ANO1: variants seen among roughly 807,000 people sequenced by gnomAD.
ANO1 encodes the protein anoctamin-1.
Under a neutral mutation model 124.0 loss-of-function variants are expected in ANO1, and 59 were observed. That is an observed-to-expected ratio of 0.48 (90% confidence interval 0.39 to 0.59). The LOEUF is 0.59. Among genes scored for constraint, ANO1 ranks in the 20% least tolerant of loss-of-function variants. The pLI, the probability that ANO1 is intolerant of heterozygous loss-of-function variation, is 0.00. For missense variants in ANO1, 1,059 were observed against 1,328.0 expected (o/e 0.80, Z 3.15); for synonymous variants, 529 against 532.0 (o/e 0.99, Z 0.08).
intron 1 of ANO1, among the ~76,000 whole-genome samples, chr11:70,010,181 A>G (rs12422190): frequency 0.25 from 12,675 of 51,426 alleles, 2,085 homozygotes; most frequent in Non-Finnish European, 0.31. Flanking sequence ...GTGTGTGTGT[A>G]TATATATATA....
intron 11 of ANO1, among the ~76,000 whole-genome samples, chr11:70,136,714 C>T (rs556400324): frequency 4.1e-5 from 6 of 147,978 alleles, no homozygotes; most frequent in South Asian, 4.7e-4. Context: ...CTCCACCACA[C>T]GAGGGTGTGG....
In ANO1 at chr11:70,117,844, C is replaced by A. The variant is rs537042376; in HGVS notation, c.897+1345C>A. ...CAGGCCCCCATACATGTTTTTAAAT[C>A]TTTGGTACTTGATACAACTTGCCCG... On this transcript the variant is annotated intron_variant, in intron 8 of 25. Coordinates refer to ENST00000355303, the MANE Select transcript of ANO1 (RefSeq NM_018043.7). Among the ~76,000 whole-genome samples, 26 of 152,312 alleles carry A rather than the reference C, an allele frequency of 1.7e-4. No individual in the cohort carries two copies. The East Asian group carries it at 2.5e-3, about 15-fold the overall frequency.
intron 7 of ANO1, among the ~76,000 whole-genome samples, chr11:70,112,553 C>CT (rs11357130): frequency 0.55 from 74,818 of 136,724 alleles, 20,662 homozygotes; most frequent in East Asian, 0.66. Flanking sequence ...CTTTTCTTTT[C>CT]TTTTTTTTTT....
chr11:70,122,477 T>G (rs2046333191), intron 8 of ANO1, among the ~76,000 whole-genome samples: 1 of 143,468 alleles, frequency 7.0e-6, no homozygotes, highest in South Asian at 2.5e-4. Flanking sequence ...TGTCTCTCCA[T>G]CTGCCTCTGT....
intron 11 of ANO1, among the ~76,000 whole-genome samples, chr11:70,148,770 C>T (rs1323568385): frequency 6.6e-6 from 1 of 152,242 alleles, no homozygotes; most frequent in Admixed American, 6.5e-5. Context: ...CTGTCCCAGG[C>T]ACCTCTGGGA....
intron 1 of ANO1, chr11:70,015,338 G>A (rs902678357): frequency 1.3e-5 from 2 of 149,720 alleles, no homozygotes; most frequent in Admixed American, 6.6e-5. Context: ...ACTCTGTGCA[G>A]GGCAATTTTT....
At chr11:70,035,673 G>A (rs963617584) in intron 1 of ANO1, among the ~76,000 whole-genome samples, 3 of 152,060 alleles carry the variant, frequency 2.0e-5, no homozygotes, top group Non-Finnish European at 4.4e-5. Flanking sequence ...TTGTCCTAAT[G>A]CTCTCCCTCC....
At position 70,099,678 on chromosome 11, in the gene ANO1, G is replaced by A. The variant is rs559936037; in HGVS notation, c.442-3388G>A. ...CCCAGCACTGAGGAGGTGGCTTCAAGCTTCTTGGCCGAAGGAGTCTGTGCT... is the reference window on the plus strand; with the variant it reads ...CCCAGCACTGAGGAGGTGGCTTCAAACTTCTTGGCCGAAGGAGTCTGTGCT... On this transcript the variant is annotated intron_variant, in intron 2 of 25. Coordinates refer to ENST00000355303, the MANE Select transcript of ANO1 (RefSeq NM_018043.7). Among the ~76,000 whole-genome samples the A allele has an allele frequency of 8.5e-5, 13 of 152,324 alleles. No homozygotes were observed. The East Asian group carries it at 2.5e-3, about 29-fold the overall frequency.
intron 1 of ANO1, among the ~76,000 whole-genome samples, chr11:70,069,697 A>G (rs1019202237): frequency 4.6e-5 from 7 of 152,060 alleles, no homozygotes; most frequent in African/African-American, 9.7e-5. Context: ...GCTTTTGGAA[A>G]ACGATAATCT....
At chr11:69,966,561 G>A in the ANO1 span, among the ~76,000 whole-genome samples, 46 of 152,208 alleles carry the variant, frequency 3.0e-4, no homozygotes, top group South Asian at 4.1e-4. Context: ...GCCCGAGGCC[G>A]GCATGTGGGA....
chr11:69,972,550 C>T, the ANO1 span, among the ~76,000 whole-genome samples: 4 of 152,140 alleles, frequency 2.6e-5, no homozygotes, highest in African/African-American at 9.7e-5. Flanking sequence ...TGATATGTAT[C>T]GTCTTCCTGG....
intron 1 of ANO1, chr11:70,085,326 A>G: frequency 3.4e-6 from 4 of 1,191,408 alleles, no homozygotes; most frequent in Non-Finnish European, 4.5e-6. Context: ...CTTCCCCCTG[A>G]GCCCTCCCAA....
intron 1 of ANO1, among the ~76,000 whole-genome samples, chr11:70,019,877 C>T (rs782405699): frequency 4.6e-5 from 7 of 152,344 alleles, no homozygotes; most frequent in East Asian, 1.9e-4. Context: ...CACTGAAAAC[C>T]GTCATCTTCC....
chr11:70,149,979 C>T (rs2047538159), intron 12 of ANO1, 187 bp downstream of exon 12: 4 of 697,332 alleles, frequency 5.7e-6, no homozygotes, highest in South Asian at 1.5e-5. Context: ...TCCGAACACC[C>T]TCCATGGCCA....
At chr11:70,053,403 G>T (rs1857384933) in intron 1 of ANO1, among the ~76,000 whole-genome samples, 1 of 152,120 alleles carries the variant, frequency 6.6e-6, no homozygotes, top group Admixed American at 6.5e-5. Flanking sequence ...CATGCCATTT[G>T]TTGTAGGTTT....
intron 22 of ANO1, 121 bp downstream of exon 22, chr11:70,171,160 C>A: frequency 7.3e-7 from 1 of 1,376,600 alleles, no homozygotes; most frequent in Non-Finnish European, 9.8e-7. Flanking sequence ...GGGCTCTTCA[C>A]TCAGCCTTTG....
chr11:70,056,086 A>C (rs1857428386), intron 1 of ANO1: 1 of 152,000 alleles, frequency 6.6e-6, no homozygotes, highest in South Asian at 2.1e-4. Flanking sequence ...AGCTTTACTC[A>C]CATATATATT....
In ANO1 at chr11:70,011,052, G is replaced by C. The variant is rs78795590; in HGVS notation, c.58+24886G>C. On this transcript the variant is annotated intron_variant, in intron 1 of 27. Coordinates refer to the ANO1 transcript ENST00000531349. ...AGGGATGTGCCCAGTGCCATGATTT[G>C]GTTGGGGGAGAGTCTGACATGATAT... is the stretch of plus-strand genomic sequence containing the variant. Among the ~76,000 whole-genome samples, 424 of 152,340 alleles carry C rather than the reference G, an allele frequency of 2.8e-3. 18 individuals carry two copies. The East Asian group carries it at 0.069, about 25-fold the overall frequency.
chr11:70,048,009 G>A (rs1265576402), intron 1 of ANO1, among the ~76,000 whole-genome samples: 2 of 152,126 alleles, frequency 1.3e-5, no homozygotes, highest in Non-Finnish European at 2.9e-5. Context: ...AACCTTCCTT[G>A]CAAAAGTTAT....
Sources: allele counts gnomAD v4.1 joint callset (sites outside exome capture counted in the v4.1 genomes callset), GRCh38; gene constraint gnomAD v4.1.1; transcripts MANE v1.5; gene names NCBI Gene and HGNC (gene_info 2026-07-23, HGNC 2026-07-21).